Variants in ATIC observed in about 807,000 individuals in gnomAD.
ATIC encodes the protein bifunctional purine biosynthesis protein ATIC.
In ATIC, 64 loss-of-function variants were observed where a neutral mutation model predicts 72.5. The ratio of observed to expected loss-of-function variants is 0.88; its 90% confidence interval spans 0.72 to 1.09. ATIC has a LOEUF of 1.09. ATIC is among the 50% of genes least tolerant of loss of function. The pLI is 0.00. For synonymous variants in ATIC, 281 were observed against 267.1 expected, an observed-to-expected ratio of 1.05 and a Z score of -0.51; for missense variants, 787 against 732.4, an observed-to-expected ratio of 1.07 and a Z score of -0.86.
the ATIC span, chr2:215,362,077 G>C: frequency 1.9e-6 from 3 of 1,612,972 alleles, no homozygotes; most frequent in African/African-American, 4.0e-5. Context: ...CACAGCGCCA[G>C]CCCTGAGAGA....
chr2:215,318,111 C>G (rs1559266515), intron 2 of ATIC, 46 bp from the exon 3 acceptor site: 3 of 1,530,898 alleles, frequency 2.0e-6, no homozygotes, highest in Non-Finnish European at 1.8e-6. Flanking sequence ...GTGAAAATTA[C>G]AATTCAGCCA....
At chr2:215,347,557 C>T in intron 14 of ATIC, 1 of 485,814 alleles carries the variant, frequency 2.1e-6, no homozygotes, top group Non-Finnish European at 4.1e-6. Flanking sequence ...AAACAGAAGG[C>T]TGCTAATCAA....
At chr2:215,357,249 T>C in the ATIC span, among the ~76,000 whole-genome samples, 1 of 152,190 alleles carries the variant, frequency 6.6e-6, no homozygotes, top group African/African-American at 2.4e-5. Flanking sequence ...AAGTACCAAG[T>C]TGCAAAGGGC....
chr2:215,331,389 T>TG (rs1208865121), intron 7 of ATIC, among the ~76,000 whole-genome samples: 1 of 150,278 alleles, frequency 6.7e-6, no homozygotes. Context: ...GGGTTTTTTT[T>TG]TTTTTTTTTT....
intron 11 of ATIC, among the ~76,000 whole-genome samples, chr2:215,337,644 GGCGTGA>G (rs1204099379): frequency 6.6e-6 from 1 of 152,218 alleles, no homozygotes; most frequent in Non-Finnish European, 1.5e-5. Flanking sequence ...TGGGATTACA[GGCGTGA>G]GCCACCGCGC....
chr2:215,335,431 G>T lies in ATIC; in HGVS notation c.1008+427G>T, dbSNP rs112429163. Among the ~76,000 whole-genome samples the T allele has an allele frequency of 5.1e-3, 782 of 152,194 alleles. 6 individuals are homozygous for T. The highest frequency in any genetic ancestry group is 0.018 in the African/African-American group (746 of 41,514). ...ATTCCAGACAGGTGGGGGTACTGTT[G>T]GTAGTAGGAAGACAGGAAGAAAAGA... On this transcript the variant is annotated intron_variant, in intron 10 of 15. Coordinates refer to ENST00000236959, the MANE Select transcript of ATIC (RefSeq NM_004044.7).
the ATIC span, among the ~76,000 whole-genome samples, chr2:215,363,956 C>T: frequency 6.6e-6 from 1 of 152,174 alleles, no homozygotes; most frequent in South Asian, 2.1e-4. Context: ...GTTGGCTCAC[C>T]AAAGCCCACC....
the ATIC span, among the ~76,000 whole-genome samples, chr2:215,358,180 CTTAGATTA>C: frequency 6.6e-6 from 1 of 151,922 alleles, no homozygotes; most frequent in Non-Finnish European, 1.5e-5. Context: ...GCATAATTCA[CTTAGATTA>C]TTAGAGCTGA....
chr2:215,338,416 CA>C (rs377552834), intron 11 of ATIC, among the ~76,000 whole-genome samples: 84 of 152,196 alleles, frequency 5.5e-4, no homozygotes, highest in African/African-American at 2.0e-3. Flanking sequence ...GCTGACCTTC[CA>C]AAAGAACCAT....
chr2:215,352,079 G>T (rs1406782161), downstream of ATIC, among the ~76,000 whole-genome samples: 1 of 152,170 alleles, frequency 6.6e-6, no homozygotes, highest in Non-Finnish European at 1.5e-5. Context: ...CTAAGGAGAT[G>T]TGGTGAGTAA....
intron 3 of ATIC, among the ~76,000 whole-genome samples, chr2:215,318,814 C>T (rs1291808287): frequency 6.6e-6 from 1 of 151,944 alleles, no homozygotes; most frequent in African/African-American, 2.4e-5. Flanking sequence ...TTCCTTTTAC[C>T]TTTTTTACAT....
At position 215,326,877 on chromosome 2, in the gene ATIC, A is replaced by G. The variant is rs560962853; in HGVS notation, c.587A>G (p.Gln196Arg). The G allele has an allele frequency of 8.1e-6, 13 of 1,614,198 alleles. 1 individual carries two copies. In the Admixed American group the frequency reaches 1.8e-4, roughly 23 times the overall value. The change falls in exon 7 of 16, where the codon CAG becomes CGG. Residue 196 changes from glutamine to arginine, a missense_variant. Physicochemically the swap from Gln to Arg is conservative, Grantham distance 43 (BLOSUM62 1). Transcript: ENST00000236959. The stretch of plus-strand genomic sequence containing the variant: ...GCAATTTCAGATTATTTCAGGAAAC[A>G]GTACAGCAAAGGCGTATCTCAGATG... ...DEAISDYFRKQYSKGVSQMPL... is the reference protein window; with the variant it reads ...DEAISDYFRKRYSKGVSQMPL...
the ATIC span, among the ~76,000 whole-genome samples, chr2:215,366,306 CTG>C: frequency 1.4e-4 from 22 of 152,020 alleles, no homozygotes; most frequent in Admixed American, 1.4e-3. Flanking sequence ...TTGGAGTAGA[CTG>C]TTAGGAATAG....
chr2:215,333,276 A>G, intron 8 of ATIC, 74 bp from the exon 9 acceptor site: 1 of 1,290,270 alleles, frequency 7.8e-7, no homozygotes. Context: ...TGTTAAGAAA[A>G]CTGTCTTGAT....
At chr2:215,320,981 A>T (rs73087599) in intron 4 of ATIC, among the ~76,000 whole-genome samples, 1 of 152,140 alleles carries the variant, frequency 6.6e-6, no homozygotes, top group African/African-American at 2.4e-5. Context: ...CCGTGACCCA[A>T]TCATCTCCCA....
chr2:215,337,567 A>T (rs1224088549), intron 11 of ATIC, among the ~76,000 whole-genome samples: 2 of 152,092 alleles, frequency 1.3e-5, no homozygotes, highest in Non-Finnish European at 2.9e-5. Context: ...GGGTTTCACC[A>T]TGTTGGCCAG....
chr2:215,326,579 T>G lies in ATIC; in HGVS notation c.532-243T>G, dbSNP rs138680921. Among the ~76,000 whole-genome samples, 952 of 149,788 alleles carry G rather than the reference T, an allele frequency of 6.4e-3. 5 individuals carry two copies. Among genetic ancestry groups the G allele is most frequent in the Non-Finnish European group, 9.7e-3 (658 of 67,630 alleles). ...AAGCTGACATCACACCACTGCACTC[T>G]AGCCTGGGCAGCAGAGTGAGACTTT... On this transcript the variant is annotated intron_variant, in intron 6 of 15. Coordinates refer to ENST00000236959, the MANE Select transcript of ATIC (RefSeq NM_004044.7).
At chr2:215,366,062 C>T in the ATIC span, among the ~76,000 whole-genome samples, 1 of 150,592 alleles carries the variant, frequency 6.6e-6, no homozygotes, top group South Asian at 2.1e-4. Context: ...AGGTGATCCA[C>T]CCGCCTCAGC....
intron 6 of ATIC, among the ~76,000 whole-genome samples, chr2:215,326,474 G>A (rs2052827626): frequency 6.6e-6 from 1 of 152,048 alleles, no homozygotes; most frequent in South Asian, 2.1e-4. Flanking sequence ...GTGTGGTGTG[G>A]TGTGGTACGC....
Sources: allele counts gnomAD v4.1 joint callset (sites outside exome capture counted in the v4.1 genomes callset), GRCh38; gene constraint gnomAD v4.1.1; transcripts MANE v1.5; gene names NCBI Gene and HGNC (gene_info 2026-07-23, HGNC 2026-07-21).